Variants in ATRN observed in about 807,000 individuals in gnomAD.
ATRN encodes attractin-2.
A neutral mutation model predicts 178.7 loss-of-function variants in ATRN; 54 were observed. That is an observed-to-expected ratio of 0.30 (90% CI 0.24 to 0.38). ATRN has a LOEUF of 0.38. Ranked by LOEUF, ATRN falls within the 10% of genes least tolerant of loss-of-function variation. The pLI, the probability that ATRN is intolerant of heterozygous loss-of-function variation, is 1.00. For synonymous variants in ATRN, 636 were observed against 663.0 expected, an observed-to-expected ratio of 0.96 and a Z score of 0.63; for missense variants, 1,443 against 1,815.1, an observed-to-expected ratio of 0.79 and a Z score of 3.73.
chr20:3,588,965 C>T (rs747677389), intron 18 of ATRN, among the ~76,000 whole-genome samples: 23 of 138,594 alleles, frequency 1.7e-4, no homozygotes, highest in Non-Finnish European at 2.9e-4. Flanking sequence ...ACATACAGTT[C>T]GTAGTATTTT....
chr20:3,519,035 G>T (rs1044256388), intron 1 of ATRN, among the ~76,000 whole-genome samples: 1 of 128,266 alleles, frequency 7.8e-6, no homozygotes, highest in Non-Finnish European at 1.6e-5. Context: ...GAAAACTGTA[G>T]GATCTGGTTC....
At chr20:3,495,515 T>G (rs2084866227) in intron 1 of ATRN, among the ~76,000 whole-genome samples, 2 of 152,116 alleles carry the variant, frequency 1.3e-5, no homozygotes, top group African/African-American at 4.8e-5. Context: ...GTTAACCTTT[T>G]TGTTTAAAGC....
chr20:3,497,464 T>G (rs1315665008), intron 1 of ATRN, among the ~76,000 whole-genome samples: 1 of 152,156 alleles, frequency 6.6e-6, no homozygotes, highest in Non-Finnish European at 1.5e-5. Flanking sequence ...GAAAATTCTT[T>G]TCTTTAAGAT....
chr20:3,635,363 TAATAAATA>T (rs71331055), intron 26 of ATRN, among the ~76,000 whole-genome samples: 4,847 of 149,220 alleles, frequency 0.032, 233 homozygotes, highest in African/African-American at 0.11. Flanking sequence ...CCTATTGAAA[TAATAAATA>T]AATAAATAAA....
Position 3,471,268 on chromosome 20 carries a change from C to A in ATRN, c.161C>A (p.Ser54Tyr). Residue 54 changes from serine to tyrosine, a missense_variant, in exon 1 of 29, where the codon TCT becomes TAT. Around this residue, in one of 4 missense-constraint regions of ATRN, gnomAD observed 862 missense variants for 972.1 expected, o/e 0.89. Coordinates refer to ENST00000262919, the MANE Select transcript of ATRN (RefSeq NM_139321.3). ...GGGCTGCGCCTCCCGCGGCTGCTGT[C>A]TCCACCGCTGCGGCCACGGCTGCTG... is the stretch of plus-strand genomic sequence containing the variant. ...GAGLRLPRLL[S>Y]PPLRPRLLLL... The A allele has an allele frequency of 6.9e-7, 1 of 1,457,842 alleles. No individual in the cohort carries two copies. Among genetic ancestry groups the A allele is most frequent in the African/African-American group, 1.5e-5 (1 of 67,770 alleles). The allele number at this position is 1,457,842 out of a possible 1,614,324, so 90.3% of individuals were successfully genotyped here.
At chr20:3,552,646 G>C (rs115029631) in intron 6 of ATRN, among the ~76,000 whole-genome samples, 98 of 152,352 alleles carry the variant, frequency 6.4e-4, no homozygotes, top group African/African-American at 2.2e-3. Context: ...CAAGGTGTCA[G>C]CTGGCCTGCA....
At position 3,646,811 on chromosome 20, in the gene ATRN, G is replaced by A; in HGVS notation, c.4254G>A (p.Lys1418=). The change falls in exon 29 of 29, where the codon AAG becomes AAA. Residue 1418 remains lysine, a synonymous_variant. Coordinates refer to ENST00000262919, the MANE Select transcript of ATRN (RefSeq NM_139321.3). ...AGTCAGGAGCCGTGAGAAACCGGAA[G>A]CAGCAGCCCCCTGCACAGCCTGGGA... ...KEKSGAVRNR[K]QQPPAQPGTC... is the part of the protein sequence containing the mutation. 1 of 1,612,934 alleles carries A rather than the reference G, an allele frequency of 6.2e-7. No homozygotes were observed. Among genetic ancestry groups the A allele is most frequent in the Non-Finnish European group, 8.5e-7 (1 of 1,179,634 alleles).
chr20:3,629,147 C>T (rs2146319231), intron 25 of ATRN: 1 of 985,394 alleles, frequency 1.0e-6, no homozygotes, highest in East Asian at 1.1e-4. Context: ...CCCACCCCAC[C>T]AACCCTAGCA....
At chr20:3,624,645 C>T (rs566381047) in intron 25 of ATRN, 73 bp downstream of exon 25, 63 of 1,192,976 alleles carry the variant, frequency 5.3e-5, no homozygotes, top group Non-Finnish European at 7.2e-5. Flanking sequence ...GTATCAGCTC[C>T]TAAAAGATAA....
intron 1 of ATRN, among the ~76,000 whole-genome samples, chr20:3,519,466 AAG>A (rs2085258589): frequency 6.6e-6 from 1 of 152,352 alleles, no homozygotes; most frequent in Admixed American, 6.5e-5. Context: ...CATGAATTAA[AAG>A]AGGGGCAGTG....
chr20:3,562,602 CAG>C (rs2085971211), intron 9 of ATRN, 143 bp downstream of exon 9: 1 of 757,764 alleles, frequency 1.3e-6, no homozygotes, highest in Admixed American at 3.2e-5. Context: ...GGGAAATAAA[CAG>C]AGGGTAATAA....
intron 1 of ATRN, among the ~76,000 whole-genome samples, chr20:3,517,424 T>C (rs1244244756): frequency 6.6e-6 from 1 of 152,204 alleles, no homozygotes; most frequent in Non-Finnish European, 1.5e-5. Context: ...TTACTTTTTC[T>C]CCATTTTCCA....
chr20:3,605,923 AAAG>A (rs1357629623), intron 24 of ATRN, among the ~76,000 whole-genome samples: 3 of 151,734 alleles, frequency 2.0e-5, no homozygotes, highest in Non-Finnish European at 4.4e-5. Context: ...AATAACAAAA[AAAG>A]CAAGTTATCA....
intron 4 of ATRN, 60 bp from the exon 5 acceptor site, chr20:3,547,224 A>T (rs2085716576): frequency 1.5e-6 from 2 of 1,314,060 alleles, no homozygotes; most frequent in South Asian, 1.2e-5. Context: ...GGAGGAAGTT[A>T]TGCTAAGTTA....
At chr20:3,534,963 TA>T (rs2085503848) in intron 1 of ATRN, among the ~76,000 whole-genome samples, 1 of 152,120 alleles carries the variant, frequency 6.6e-6, no homozygotes. Flanking sequence ...AAGGATGACA[TA>T]AAATTAAGAT....
intron 1 of ATRN, among the ~76,000 whole-genome samples, chr20:3,521,144 G>A (rs1217739696): frequency 6.6e-6 from 1 of 152,032 alleles, no homozygotes; most frequent in Non-Finnish European, 1.5e-5. Context: ...CTACCTATTA[G>A]GTACTATGCG....
intron 1 of ATRN, among the ~76,000 whole-genome samples, chr20:3,528,767 A>G (rs557491204): frequency 1.3e-5 from 2 of 152,172 alleles, no homozygotes; most frequent in African/African-American, 2.4e-5. Context: ...TTACAAAATA[A>G]TATGTGCAGA....
intron 4 of ATRN, among the ~76,000 whole-genome samples, chr20:3,546,425 T>G (rs1039714012): frequency 2.2e-5 from 3 of 134,432 alleles, no homozygotes; most frequent in South Asian, 5.2e-4. Context: ...GGAGTCTCAC[T>G]CTGTCACCTG....
chr20:3,568,374 A>G (rs950653287), intron 11 of ATRN, among the ~76,000 whole-genome samples: 4 of 148,246 alleles, frequency 2.7e-5, no homozygotes, highest in Non-Finnish European at 6.0e-5. Context: ...TAGGCCAGGC[A>G]TGGTGGCTCA....
Sources: gnomAD v4.1 joint callset for allele counts (sites outside exome capture counted in the v4.1 genomes callset) on GRCh38, gnomAD v4.1.1 for gene constraint, gnomAD v4.1.1 regional missense constraint, MANE v1.5 for transcripts, NCBI Gene and HGNC (gene_info 2026-07-23, HGNC 2026-07-21) for gene names.